The following SORCS1 variants were observed in gnomAD, a reference collection of about 807,000 sequenced individuals.
SORCS1 encodes VPS10 domain-containing receptor SorCS1.
SORCS1 carries 60 observed loss-of-function variants against 146.1 expected under a neutral mutation model. That is an observed-to-expected ratio of 0.41 (90% CI 0.33 to 0.51). SORCS1 has a LOEUF of 0.51. Among genes scored for constraint, SORCS1 ranks in the 20% least tolerant of loss-of-function variants. The pLI is 0.21. For synonymous variants in SORCS1, 637 were observed against 584.0 expected (o/e 1.09, Z -1.31); for missense variants, 1,352 against 1,487.6 (o/e 0.91, Z 1.50).
At chr10:106,677,623 T>C (rs531143177) in intron 12 of SORCS1, among the ~76,000 whole-genome samples, 1 of 152,354 alleles carries the variant, frequency 6.6e-6, no homozygotes, top group East Asian at 1.9e-4. Flanking sequence ...AAAATAAATT[T>C]GAACAATGAA....
chr10:106,933,047 G>A (rs1053844096), intron 2 of SORCS1, among the ~76,000 whole-genome samples: 1 of 152,166 alleles, frequency 6.6e-6, no homozygotes, highest in African/African-American at 2.4e-5. Context: ...TCGTGTTCAG[G>A]TCTAAATGCA....
chr10:106,603,537 G>C (rs955151757), intron 23 of SORCS1, among the ~76,000 whole-genome samples: 1 of 152,192 alleles, frequency 6.6e-6, no homozygotes, highest in Admixed American at 6.5e-5. Flanking sequence ...AAGGAGGACT[G>C]AGAGTCCTTT....
At chr10:106,791,228 TATC>T (rs1024560498) in intron 3 of SORCS1, among the ~76,000 whole-genome samples, 6 of 152,236 alleles carry the variant, frequency 3.9e-5, no homozygotes, top group Non-Finnish European at 8.8e-5. Flanking sequence ...TCTTCTGTGT[TATC>T]ATTTTTATTG....
chr10:106,611,888 GAGA>G lies in SORCS1; in HGVS notation c.3033+20_3033+22del, dbSNP rs1168777042. 1 of 1,549,860 alleles carries G rather than the reference GAGA, an allele frequency of 6.5e-7. No homozygotes were observed. The highest frequency in any genetic ancestry group is 2.2e-5 in the East Asian group (1 of 44,524). ...ACAGAGAGAAAAGGTACCCGGGCAA[GAGA>G]AGAAACTGTGTGCACTCACTTCCAC... is the stretch of plus-strand genomic sequence containing the variant. On this transcript the variant is annotated intron_variant, in intron 22 of 25. Coordinates refer to ENST00000263054, the MANE Select transcript of SORCS1 (RefSeq NM_052918.5).
chr10:107,016,928 C>T (rs1161779370), intron 1 of SORCS1, among the ~76,000 whole-genome samples: 1 of 152,124 alleles, frequency 6.6e-6, no homozygotes, highest in Non-Finnish European at 1.5e-5. Flanking sequence ...TTTCATTATT[C>T]TTTAGGAAAA....
intron 1 of SORCS1, among the ~76,000 whole-genome samples, chr10:107,065,135 A>C (rs2134138658): frequency 6.6e-6 from 1 of 152,094 alleles, no homozygotes; most frequent in Middle Eastern, 3.4e-3. Flanking sequence ...TAATTGATTG[A>C]GGGTGGGGGG....
chr10:107,107,840 A>G (rs1565053157), intron 1 of SORCS1, among the ~76,000 whole-genome samples: 1 of 152,090 alleles, frequency 6.6e-6, no homozygotes, highest in African/African-American at 2.4e-5. Context: ...TCTTGGTCTT[A>G]TTATAAAAAT....
intron 1 of SORCS1, among the ~76,000 whole-genome samples, chr10:107,122,136 G>C (rs886243414): frequency 2.0e-5 from 3 of 152,154 alleles, no homozygotes; most frequent in Non-Finnish European, 4.4e-5. Flanking sequence ...AGGGCACAAA[G>C]AGGTCACCTC....
chr10:106,791,336 T>C (rs909632104), intron 3 of SORCS1, among the ~76,000 whole-genome samples: 2 of 152,238 alleles, frequency 1.3e-5, no homozygotes, highest in South Asian at 4.1e-4. Flanking sequence ...TTAATGTAGA[T>C]TAACATTTCT....
At chr10:107,143,826 G>C (rs919934061) in intron 1 of SORCS1, among the ~76,000 whole-genome samples, 2 of 151,626 alleles carry the variant, frequency 1.3e-5, no homozygotes, top group African/African-American at 4.9e-5. Context: ...TTTTTTTGTA[G>C]AGATGAGGTT....
intron 17 of SORCS1, among the ~76,000 whole-genome samples, chr10:106,654,852 T>A (rs1850157599): frequency 6.6e-6 from 1 of 152,108 alleles, no homozygotes; most frequent in African/African-American, 2.4e-5. Context: ...TCATTCCATC[T>A]GATTTTTTTT....
intron 7 of SORCS1, 78 bp downstream of exon 7, chr10:106,709,145 G>T: frequency 9.1e-7 from 1 of 1,100,288 alleles, no homozygotes; most frequent in East Asian, 2.4e-5. Context: ...TCTTAATGGA[G>T]TGTAAAGCAG....
In SORCS1 at chr10:106,579,401, C is replaced by A; in HGVS notation, c.3339G>T (p.Gly1113=). ...ACTTGTAGATGACGAACACTGCCAG[C>A]CCCACAAACACCACTGAGAGCAGCA... The part of the protein sequence containing the change: ...MLMLLSVVFV[G]LAVFVIYKFK... Residue 1113 remains glycine, a synonymous_variant, in exon 25 of 26, where the codon GGG becomes GGT. Coordinates refer to ENST00000263054, the MANE Select transcript of SORCS1 (RefSeq NM_052918.5). The A allele has an allele frequency of 6.2e-7, 1 of 1,613,970 alleles. No individual in the cohort carries two copies. The highest frequency in any genetic ancestry group is 1.1e-5 in the South Asian group (1 of 91,070).
At chr10:106,822,468 C>A (rs994467880) in intron 3 of SORCS1, among the ~76,000 whole-genome samples, 1 of 152,162 alleles carries the variant, frequency 6.6e-6, no homozygotes, top group Non-Finnish European at 1.5e-5. Flanking sequence ...GAGCATTCTG[C>A]ACTTATTATT....
At chr10:107,137,419 C>T (rs995533635) in intron 1 of SORCS1, among the ~76,000 whole-genome samples, 3 of 152,156 alleles carry the variant, frequency 2.0e-5, no homozygotes, top group South Asian at 2.1e-4. Flanking sequence ...ATTTCAACTC[C>T]CTGAATTTAT....
rs1293890812 is a variant in SORCS1 at position 106,675,105 on chromosome 10, A to C, written c.1884T>G (p.Ile628Met). 1 of 1,613,938 alleles carries C rather than the reference A, an allele frequency of 6.2e-7. No individual in the cohort carries two copies. The highest frequency in any genetic ancestry group is 8.5e-7 in the Non-Finnish European group (1 of 1,179,952). Residue 628 changes from isoleucine (I) to methionine (M), a missense_variant, in exon 14 of 26, where the codon ATT becomes ATG. This residue lies in a region of SORCS1 where 648 missense variants were observed against 793.8 expected (regional missense o/e 0.82). Coordinates refer to ENST00000263054, the MANE Select transcript of SORCS1 (RefSeq NM_052918.5). The stretch of plus-strand genomic sequence containing the variant: ...CCAGAACCCCATCCACAAAAAGTGG[A>C]ATAGATGTGAAACTGTATTTGCTCC... ...RSWSKYSFTS[I>M]PLFVDGVLGE...
At chr10:106,975,110 T>G (rs1955938737) in intron 1 of SORCS1, among the ~76,000 whole-genome samples, 1 of 152,194 alleles carries the variant, frequency 6.6e-6, no homozygotes, top group Admixed American at 6.5e-5. Context: ...TGTCAACTAC[T>G]TCAGGGAGTT....
At chr10:106,878,359 A>T (rs1950671861) in intron 2 of SORCS1, among the ~76,000 whole-genome samples, 1 of 151,698 alleles carries the variant, frequency 6.6e-6, no homozygotes, top group Non-Finnish European at 1.5e-5. Context: ...CCTAAAATTC[A>T]TATGTTGAAA....
At chr10:106,989,910 T>C (rs1956696810) in intron 1 of SORCS1, among the ~76,000 whole-genome samples, 1 of 151,818 alleles carries the variant, frequency 6.6e-6, no homozygotes, top group African/African-American at 2.4e-5. Flanking sequence ...ATGGTCTCAA[T>C]CTCATGACCT....
Sources: allele counts gnomAD v4.1 joint callset (sites outside exome capture counted in the v4.1 genomes callset), GRCh38; gene constraint gnomAD v4.1.1; regional missense constraint gnomAD v4.1.1; transcripts MANE v1.5; gene names NCBI Gene and HGNC (gene_info 2026-07-23, HGNC 2026-07-21).